The following PECAM1 variants were observed in gnomAD, a reference collection of about 807,000 sequenced individuals.
PECAM1 encodes platelet endothelial cell adhesion molecule.
Under a neutral mutation model 13.8 loss-of-function variants are expected in PECAM1, and 8 were observed. The ratio of observed to expected loss-of-function variants is 0.58; its 90% CI spans 0.34 to 1.05. PECAM1 has a LOEUF of 1.05. Ranked by LOEUF, PECAM1 falls within the 50% of genes least tolerant of loss-of-function variation. The pLI is 0.03. For missense variants in PECAM1, 304 were observed against 141.2 expected (o/e 2.15, Z -5.84); for synonymous variants, 136 against 52.6 (o/e 2.58, Z -6.86).
intron 5 of PECAM1, among the ~76,000 whole-genome samples, chr17:64,368,092 C>T (rs961313001): frequency 2.6e-4 from 39 of 152,078 alleles, no homozygotes; most frequent in African/African-American, 8.7e-4. Flanking sequence ...CATGAGAACC[C>T]CTTCACCGTG....
intron 13 of PECAM1, among the ~76,000 whole-genome samples, chr17:64,342,158 A>AT (rs2035449429): frequency 1.3e-5 from 1 of 75,418 alleles, no homozygotes; most frequent in Non-Finnish European, 2.9e-5. Flanking sequence ...TCAAAAAAAA[A>AT]AAAAAGAAGA....
At chr17:64,342,887 G>A (rs2035470407) in intron 13 of PECAM1, among the ~76,000 whole-genome samples, 1 of 151,982 alleles carries the variant, frequency 6.6e-6, no homozygotes, top group Non-Finnish European at 1.5e-5. Flanking sequence ...TGTGTAGGAT[G>A]TGTCTACACA....
intron 7 of PECAM1, among the ~76,000 whole-genome samples, chr17:64,359,589 CTT>C (rs1232560510): frequency 6.6e-6 from 1 of 152,140 alleles, no homozygotes; most frequent in Non-Finnish European, 1.5e-5. Context: ...AGTCAGGACA[CTT>C]TCATGCTTAT....
intron 2 of PECAM1, among the ~76,000 whole-genome samples, chr17:64,385,186 T>C (rs35562697): frequency 2.6e-5 from 4 of 152,196 alleles, no homozygotes; most frequent in Admixed American, 1.3e-4. Context: ...AGGTCAGATC[T>C]TTTCAACCCG....
Position 64,349,690 on chromosome 17 carries a change from G to A in PECAM1, c.2044+690C>T, listed in dbSNP as rs2035669004. Among the ~76,000 whole-genome samples the A allele has an allele frequency of 3.8e-4, 57 of 151,296 alleles. 1 individual carries two copies. The highest frequency in any genetic ancestry group is 1.5e-5 in the Non-Finnish European group (1 of 67,860). On this transcript the variant is annotated intron_variant, in intron 12 of 15. Transcript: ENST00000563924. ...TAACAAGGTCAGGAGTTTGAGACCA[G>A]CCTGGCCAACACAGTGAAACCCTGT...
At position 64,387,574 on chromosome 17, in the gene PECAM1, T is replaced by C. The variant is rs930234020; in HGVS notation, c.91+2915A>G. Among the ~76,000 whole-genome samples the C allele has an allele frequency of 4.3e-4, 65 of 152,040 alleles. 1 individual carries two copies. The highest frequency in any genetic ancestry group is 6.8e-3 in the Middle Eastern group (2 of 294). ...TTGAATGCACGTAGGCGTGGGGTCCTGGGGGTGAGGAAGGGTCTCAGCCTA... is the reference window on the plus strand; with the variant it reads ...TTGAATGCACGTAGGCGTGGGGTCCCGGGGGTGAGGAAGGGTCTCAGCCTA... On this transcript the variant is annotated intron_variant, in intron 2 of 15. Transcript: ENST00000563924.
intron 4 of PECAM1, 68 bp from the exon 5 acceptor site, chr17:64,370,093 C>T: frequency 2.5e-6 from 1 of 398,330 alleles, no homozygotes; most frequent in Non-Finnish European, 4.4e-6. Context: ...CTCTTCTGCT[C>T]TTTTTGCTGC....
At chr17:64,342,466 T>A (rs1447798824) in intron 13 of PECAM1, among the ~76,000 whole-genome samples, 7 of 152,170 alleles carry the variant, frequency 4.6e-5, no homozygotes, top group African/African-American at 9.7e-5. Context: ...AGGTCTGGGT[T>A]AGAGCCTGGG....
At chr17:64,383,392 C>A (rs1021082421) in intron 2 of PECAM1, among the ~76,000 whole-genome samples, 1 of 151,904 alleles carries the variant, frequency 6.6e-6, no homozygotes, top group African/African-American at 2.4e-5. Context: ...ACAGTGACTG[C>A]GCCAAAGTGG....
At chr17:64,377,454 A>C (rs2036384603) in intron 3 of PECAM1, 1 of 154,566 alleles carries the variant, frequency 6.5e-6, no homozygotes, top group Non-Finnish European at 1.4e-5. Context: ...TCTACTAAAA[A>C]TACAAAATTA....
At chr17:64,350,061 A>G (rs2035680227) in intron 12 of PECAM1, among the ~76,000 whole-genome samples, 1 of 151,954 alleles carries the variant, frequency 6.6e-6, no homozygotes, top group Non-Finnish European at 1.5e-5. Context: ...CATTGTCTTT[A>G]AAAATCACCA....
rs889191070 is a variant in PECAM1 at position 64,360,333 on chromosome 17, C to G, written c.1299G>C (p.Ser433=). The change falls in exon 7 of 16, where the codon TCG becomes TCC. Residue 433 remains serine (S), a synonymous_variant. Transcript: ENST00000563924. ...AAGAAATAGGCAAAGTTCCACTGAT[C>G]GATTCGCAACGGACTTCGATGGTCT... ...KGQTIEVRCE[S]ISGTLPISYQ... The G allele has an allele frequency of 4.2e-6, 2 of 475,330 alleles. No individual in the cohort carries two copies. The highest frequency in any genetic ancestry group is 7.7e-6 in the Non-Finnish European group (2 of 259,048). 29.4% of individuals were successfully genotyped at this position (475,330 alleles called of 1,614,324 possible).
intron 13 of PECAM1, among the ~76,000 whole-genome samples, chr17:64,347,451 A>T (rs1437108687): frequency 6.6e-6 from 1 of 150,386 alleles, no homozygotes; most frequent in Non-Finnish European, 1.5e-5. Context: ...GAATCGCTTT[A>T]ACCCGGAGGC....
chr17:64,386,310 CAGG>C (rs2036591996), intron 2 of PECAM1, among the ~76,000 whole-genome samples: 1 of 149,794 alleles, frequency 6.7e-6, no homozygotes. Context: ...GAGGGTGAGG[CAGG>C]AGAATTGCTT....
intron 2 of PECAM1, among the ~76,000 whole-genome samples, chr17:64,381,673 A>C (rs1371014384): frequency 6.6e-6 from 1 of 152,228 alleles, no homozygotes; most frequent in Non-Finnish European, 1.5e-5. Context: ...AGTCCATGAG[A>C]TGAAACAAGG....
Position 64,323,779 on chromosome 17 carries a change from G to A in PECAM1, c.*37C>T, listed in dbSNP as rs2034866800. 3.7e-6 allele frequency: 4 copies of A among 1,070,298 alleles called. No individual in the cohort carries two copies. In the Admixed American group the frequency reaches 6.8e-5, roughly 18 times the overall value. The allele number at this position is 1,070,298 out of a possible 1,614,324, so 66.3% of individuals were successfully genotyped here. On this transcript the variant is annotated 3_prime_UTR_variant, in exon 16 of 16. Coordinates refer to ENST00000563924, the MANE Select transcript of PECAM1 (RefSeq NM_000442.5). ...GGATTATCTGTTCTTCTCGGAACAT[G>A]GATGTCCTTCCAGGGATGTGCATCT...
rs1037272878 is a variant in PECAM1 at position 64,329,829 on chromosome 17, G to A, written c.2165-107C>T. The A allele has an allele frequency of 1.9e-4, 135 of 714,954 alleles. No individual in the cohort carries two copies. The African/African-American group carries it at 2.1e-3, about 11-fold the overall frequency. The allele number at this position is 714,954 out of a possible 1,614,324, so 44.3% of individuals were successfully genotyped here. A position where few individuals can be genotyped will look rare whatever the true frequency, so the allele number is the denominator to read the frequency against. ...CAGGTCGAGAAAAGAGGGAGGAGGC[G>A]AGAGCCAGGAGACATCAGCCGGCAG... On this transcript the variant is annotated intron_variant, in intron 14 of 15. Transcript: ENST00000563924.
chr17:64,351,587 T>C (rs1350836299), intron 11 of PECAM1, among the ~76,000 whole-genome samples: 2 of 152,130 alleles, frequency 1.3e-5, no homozygotes, highest in Non-Finnish European at 2.9e-5. Flanking sequence ...TGGTGGCACA[T>C]GCCTGTGATC....
intron 5 of PECAM1, among the ~76,000 whole-genome samples, chr17:64,368,931 C>CT (rs1176037024): frequency 0.75 from 56,089 of 74,720 alleles, 24,887 homozygotes; most frequent in South Asian, 0.94. Flanking sequence ...ATTGTCATTT[C>CT]TTTTTTTTTT....
Sources: gnomAD v4.1 joint callset for allele counts (sites outside exome capture counted in the v4.1 genomes callset) on GRCh38, gnomAD v4.1.1 for gene constraint, MANE v1.5 for transcripts, NCBI Gene and HGNC (gene_info 2026-07-23, HGNC 2026-07-21) for gene names.